LRRFIP2: variants seen among roughly 807,000 people sequenced by gnomAD.
The protein encoded by LRRFIP2 is leucine-rich repeat flightless-interacting protein 2.
In LRRFIP2, 109 loss-of-function variants were observed where a neutral mutation model predicts 125.9. The observed-to-expected ratio is 0.87, with a 90% CI of 0.74 to 1.01. The LOEUF is 1.01. LRRFIP2 is among the 50% of genes least tolerant of loss of function. The probability of loss-of-function intolerance (pLI) is 0.00; values close to 1 mark genes in which losing one functional copy is unlikely to be tolerated. For missense variants in LRRFIP2, 850 were observed against 862.3 expected (o/e 0.99, Z 0.18); for synonymous variants, 291 against 293.1 (o/e 0.99, Z 0.07).
chr3:37,147,296 T>C (rs966008906), intron 2 of LRRFIP2, among the ~76,000 whole-genome samples: 5 of 152,316 alleles, frequency 3.3e-5, no homozygotes, highest in Admixed American at 2.0e-4. Context: ...GAAGACAGTG[T>C]GGTGATTCCT....
chr3:37,058,651 G>A (rs1003183495), intron 25 of LRRFIP2, 139 bp downstream of exon 25: 15 of 852,518 alleles, frequency 1.8e-5, no homozygotes, highest in Non-Finnish European at 2.7e-5. Context: ...CTCTGACCTG[G>A]GTGACAGAGT....
intron 24 of LRRFIP2, among the ~76,000 whole-genome samples, chr3:37,063,058 C>T (rs748866500): frequency 2.6e-5 from 4 of 152,136 alleles, no homozygotes; most frequent in Non-Finnish European, 4.4e-5. Context: ...TCTGAAAATA[C>T]TGAGTGGGAT....
At chr3:37,073,682 A>T (rs2091627453) in intron 20 of LRRFIP2, among the ~76,000 whole-genome samples, 1 of 152,234 alleles carries the variant, frequency 6.6e-6, no homozygotes, top group Non-Finnish European at 1.5e-5. Flanking sequence ...CAAAGTTTGT[A>T]TACCTAGCAC....
At chr3:37,134,628 G>T in intron 2 of LRRFIP2, 1 of 601,146 alleles carries the variant, frequency 1.7e-6, no homozygotes, top group South Asian at 1.4e-5. Context: ...CATACCGAGA[G>T]AGTGAGGAGC....
intron 15 of LRRFIP2, among the ~76,000 whole-genome samples, chr3:37,101,086 G>A (rs953732086): frequency 5.9e-5 from 9 of 152,084 alleles, no homozygotes; most frequent in Non-Finnish European, 2.9e-5. Context: ...GGCTGGGCGC[G>A]GTGGCTCATG....
chr3:37,114,847 T>A (rs1482909614), intron 7 of LRRFIP2, among the ~76,000 whole-genome samples: 1 of 151,116 alleles, frequency 6.6e-6, no homozygotes, highest in African/African-American at 2.4e-5. Context: ...TAGATAAGAA[T>A]AACTTGTGTC....
At chr3:37,057,796 C>T (rs1047519402) in intron 25 of LRRFIP2, among the ~76,000 whole-genome samples, 11 of 152,070 alleles carry the variant, frequency 7.2e-5, no homozygotes, top group African/African-American at 2.2e-4. Flanking sequence ...CTCCTCTGTC[C>T]GAGAATTACA....
intron 1 of LRRFIP2, among the ~76,000 whole-genome samples, chr3:37,165,840 A>T (rs2096473447): frequency 6.7e-6 from 1 of 150,352 alleles, no homozygotes; most frequent in Non-Finnish European, 1.5e-5. Context: ...AAAGAAAGAA[A>T]GAAAGAAAGA....
chr3:37,065,602 C>T (rs1442420425), intron 23 of LRRFIP2: 1 of 698,420 alleles, frequency 1.4e-6, no homozygotes, highest in Non-Finnish European at 2.6e-6. Context: ...TACAGTTACA[C>T]TTATTGCCTT....
rs962235963 is a variant in LRRFIP2, at chr3:37,060,433, C to T, written c.1750-1523G>A. ...AAGCGATTTTCCTGCCTCAGCCCCCCGAGTAGCTGGGATTCCAGGTGCATG... is the reference window on the plus strand; with the variant it reads ...AAGCGATTTTCCTGCCTCAGCCCCCTGAGTAGCTGGGATTCCAGGTGCATG... On this transcript the variant is annotated intron_variant, in intron 24 of 27. Coordinates refer to ENST00000336686, the MANE Select transcript of LRRFIP2 (RefSeq NM_006309.4). The surrounding 1 kb of genome is among the most constrained non-coding windows in gnomAD (Gnocchi z 4.1). Among the ~76,000 whole-genome samples, 2 of 152,102 alleles carry T rather than the reference C, an allele frequency of 1.3e-5. No homozygotes were observed. Among genetic ancestry groups the T allele is most frequent in the East Asian group, 1.9e-4 (1 of 5,194 alleles).
chr3:37,146,170 GA>G (rs2095851887), intron 2 of LRRFIP2, among the ~76,000 whole-genome samples: 2 of 152,286 alleles, frequency 1.3e-5, no homozygotes, highest in Non-Finnish European at 2.9e-5. Context: ...ATTTTGAAAG[GA>G]AACATTCTGG....
chr3:37,072,843 T>C lies in LRRFIP2; in HGVS notation c.1411A>G (p.Lys471Glu), dbSNP rs1364765268. 1.2e-6 allele frequency: 2 copies of C among 1,613,234 alleles called. No individual in the cohort carries two copies. The highest frequency in any genetic ancestry group is 1.7e-5 in the Admixed American group (1 of 59,928). ...RMQQKIDTMT[K>E]EVFDLQETLL... ...GTCTCCTGGAGGTCAAACACCTCTT[T>C]TGTCATGGTGTCTATTTTCTGCTGC... The change falls in exon 21 of 28, where the codon AAA becomes GAA. Residue 471 changes from lysine (K) to glutamate (E), a missense_variant. By Grantham distance (56) the Lys-to-Glu change is moderately conservative. Coordinates refer to ENST00000336686, the MANE Select transcript of LRRFIP2 (RefSeq NM_006309.4).
chr3:37,141,754 G>A lies in LRRFIP2; in HGVS notation c.90+7140C>T, dbSNP rs549397187. ...AAGCAAATGCAGAAGGCGGCCACAG[G>A]TACAGTCTCAGTAGCATCAGACATT... On this transcript the variant is annotated intron_variant, in intron 2 of 27. Transcript: ENST00000336686. Among the ~76,000 whole-genome samples, 9 of 152,260 alleles carry A rather than the reference G, an allele frequency of 5.9e-5. No homozygotes were observed. The East Asian group carries it at 1.4e-3, about 23-fold the overall frequency.
intron 13 of LRRFIP2, 74 bp from the exon 14 acceptor site, chr3:37,105,597 G>C (rs1286225675): frequency 1.8e-6 from 2 of 1,112,798 alleles, no homozygotes; most frequent in African/African-American, 3.1e-5. Flanking sequence ...AGTACATTAA[G>C]GAAGGTTTTG....
At chr3:37,092,690 G>GT (rs1460719345) in intron 17 of LRRFIP2, among the ~76,000 whole-genome samples, 1 of 152,200 alleles carries the variant, frequency 6.6e-6, no homozygotes, top group African/African-American at 2.4e-5. Flanking sequence ...GTAAGAGCTG[G>GT]TAAGAGCTCA....
chr3:37,058,937 C>G, intron 24 of LRRFIP2, 27 bp from the exon 25 acceptor site: 1 of 1,612,302 alleles, frequency 6.2e-7, no homozygotes, highest in Non-Finnish European at 8.5e-7. Context: ...GGTTCATCAG[C>G]AAGATCCAAT....
chr3:37,142,973 C>T (rs1000226530), intron 2 of LRRFIP2, among the ~76,000 whole-genome samples: 1 of 152,048 alleles, frequency 6.6e-6, no homozygotes, highest in Non-Finnish European at 1.5e-5. Context: ...GGGGTGGATC[C>T]CTCACGACGT....
At chr3:37,142,815 C>G (rs571193226) in intron 2 of LRRFIP2, among the ~76,000 whole-genome samples, 8 of 152,158 alleles carry the variant, frequency 5.3e-5, no homozygotes, top group Non-Finnish European at 1.2e-4. Context: ...TACAACTTCT[C>G]AAGAGTATCA....
At chr3:37,091,582 A>T in intron 17 of LRRFIP2, 44 bp from the exon 18 acceptor site, 1 of 1,347,672 alleles carries the variant, frequency 7.4e-7, no homozygotes, top group East Asian at 2.4e-5. Flanking sequence ...CCATGCACAA[A>T]CGTATCTTAA....
Sources: allele counts gnomAD v4.1 joint callset (sites outside exome capture counted in the v4.1 genomes callset), GRCh38; gene constraint gnomAD v4.1.1; non-coding constraint Gnocchi (gnomAD v3.1); transcripts MANE v1.5; gene names NCBI Gene and HGNC (gene_info 2026-07-23, HGNC 2026-07-21).